CEP44: variants seen among roughly 807,000 people sequenced by gnomAD.
CEP44 encodes centrosomal protein of 44 kDa.
In CEP44, 45 loss-of-function variants were observed where a neutral mutation model predicts 46.7. The ratio of observed to expected loss-of-function variants is 0.96; its 90% CI spans 0.76 to 1.24. The LOEUF is 1.24. Among genes scored for constraint, CEP44 ranks in the 50% most tolerant of loss-of-function variants. The pLI is 0.00. For missense variants in CEP44, 475 were observed against 459.7 expected (o/e 1.03, Z -0.30); for synonymous variants, 142 against 146.0 (o/e 0.97, Z 0.20).
intron 4 of CEP44, among the ~76,000 whole-genome samples, chr4:174,302,586 T>C (rs1298602430): frequency 6.6e-6 from 1 of 152,096 alleles, no homozygotes; most frequent in Non-Finnish European, 1.5e-5. Context: ...ATTAAACTGA[T>C]ATATTCTTTG....
rs1163164926 is a variant in CEP44 at position 174,286,552 on chromosome 4, G to A, written c.-148+2609G>A. ...GTGTCCATGGACAGTTGTGGTAGAT[G>A]TTTTTATGTAAGTTATTGAGTTTCA... On this transcript the variant is annotated intron_variant, in intron 1 of 11. Transcript: ENST00000503780. This position sits in a 1 kb window ranked among gnomAD's most constrained non-coding sequence, Gnocchi z 5.2. Among the ~76,000 whole-genome samples, 1 of 152,172 alleles carries A rather than the reference G, an allele frequency of 6.6e-6. No homozygotes were observed.
Position 174,304,314 on chromosome 4 carries a change from T to TA in CEP44, c.453dup (p.Ser152IlefsTer8). On this transcript the variant is annotated frameshift_variant, in exon 6 of 12. Transcript: ENST00000503780. LOFTEE classifies it high-confidence loss of function. Reference sequence around the variant, plus strand: ...GAACCTCCTTTGGGCAATGAGAAAATATCTGCAGAGGCTGTTGGCGTTGAT... The same window carrying TA: ...GAACCTCCTTTGGGCAATGAGAAAATAATCTGCAGAGGCTGTTGGCGTTGAT... 6.2e-7 allele frequency: 1 copy of TA among 1,611,768 alleles called. No individual in the cohort carries two copies. Among genetic ancestry groups the TA allele is most frequent in the Non-Finnish European group, 8.5e-7 (1 of 1,179,414 alleles).
At chr4:174,323,381 C>T (rs147051556), downstream of CEP44, among the ~76,000 whole-genome samples, 4 of 152,054 alleles carry the variant, frequency 2.6e-5, no homozygotes, top group Non-Finnish European at 5.9e-5. Flanking sequence ...TTCAGTCATA[C>T]ATTCATATAG....
intron 6 of CEP44, 125 bp downstream of exon 6, chr4:174,304,494 T>G: frequency 1.5e-6 from 2 of 1,299,966 alleles, no homozygotes; most frequent in Non-Finnish European, 2.1e-6. Context: ...TCATTGATTT[T>G]TAACAGTGCA....
intron 9 of CEP44, among the ~76,000 whole-genome samples, chr4:174,313,520 C>T (rs541733324): frequency 3.0e-4 from 46 of 152,042 alleles, no homozygotes; most frequent in African/African-American, 7.2e-4. Flanking sequence ...ATCCCAGAGT[C>T]GTAGGAAGAT....
chr4:174,320,896 C>G (rs974784518), downstream of CEP44, among the ~76,000 whole-genome samples: 3 of 152,066 alleles, frequency 2.0e-5, no homozygotes, highest in Non-Finnish European at 2.9e-5. Flanking sequence ...GAGACTATTA[C>G]AGTAATCGAA....
chr4:174,284,892 G>GT (rs1165271183), intron 1 of CEP44, among the ~76,000 whole-genome samples: 1 of 152,182 alleles, frequency 6.6e-6, no homozygotes. Context: ...GCCATTGACT[G>GT]TTATTAGAGT....
At chr4:174,320,774 C>T (rs374142435), downstream of CEP44, among the ~76,000 whole-genome samples, 8 of 151,370 alleles carry the variant, frequency 5.3e-5, no homozygotes, top group South Asian at 8.4e-4. Flanking sequence ...TTTACTGAAC[C>T]ATTTAAGCAG....
Position 174,326,487 on chromosome 4 carries a change from C to T in CEP44, c.1087-4995C>T, listed in dbSNP as rs1423238815. On this transcript the variant is annotated intron_variant, in intron 8 of 8. Transcript: ENST00000426172. This position sits in a 1 kb window ranked among gnomAD's most constrained non-coding sequence, Gnocchi z 4.8. ...TGACTTCTACATATGTTATAAACTG[C>T]AAAACATTATCATTACTTTTGCTAT... is the stretch of plus-strand genomic sequence containing the variant. Among the ~76,000 whole-genome samples, 1 of 151,994 alleles carries T rather than the reference C, an allele frequency of 6.6e-6. No homozygotes were observed. The highest frequency in any genetic ancestry group is 1.5e-5 in the Non-Finnish European group (1 of 67,940).
chr4:174,289,798 A>G (rs1223034079), intron 1 of CEP44, among the ~76,000 whole-genome samples: 1 of 148,280 alleles, frequency 6.7e-6, no homozygotes, highest in Non-Finnish European at 1.5e-5. Context: ...TTCTTTTTCT[A>G]GTTCCTTGAG....
chr4:174,292,045 G>GC (rs763205535), intron 1 of CEP44, among the ~76,000 whole-genome samples: 3 of 151,904 alleles, frequency 2.0e-5, no homozygotes, highest in Non-Finnish European at 4.4e-5. Context: ...CCTGCCCTCA[G>GC]CCTCCTCAAG....
At position 174,297,213 on chromosome 4, in the gene CEP44, ATTC is replaced by A. The variant is rs1414754461; in HGVS notation, c.-147-750_-147-748del. On this transcript the variant is annotated intron_variant, in intron 1 of 11. Coordinates refer to ENST00000503780, the MANE Select transcript of CEP44 (RefSeq NM_001040157.3). This position sits in a 1 kb window ranked among gnomAD's most constrained non-coding sequence, Gnocchi z 4.3. ...AGCTTAATATTTTTTATATCCTTCT[ATTC>A]TTGTTTTAGGTTTTAATTTTTTTTT... Among the ~76,000 whole-genome samples the A allele has an allele frequency of 2.0e-5, 3 of 151,796 alleles. No homozygotes were observed. Among genetic ancestry groups the A allele is most frequent in the Non-Finnish European group, 4.4e-5 (3 of 67,938 alleles).
At position 174,317,357 on chromosome 4, in the gene CEP44, C is replaced by T. The variant is rs17358230; in HGVS notation, c.1147C>T (p.Leu383=). The change falls in exon 12 of 12, where the codon CTG becomes TTG. Residue 383 remains leucine (L), a synonymous_variant. Transcript: ENST00000503780. ...CAGGTTTGAAGAAACTGCAGAGTTA[C>T]TGAAATGTCCAAATCACTACTTGTA... The part of the protein sequence containing the change: ...KKMFEETAEL[L]KCPNHYL 46,023 of 1,409,768 alleles carry T rather than the reference C, an allele frequency of 0.033. 878 individuals are homozygous for T. The highest frequency in any genetic ancestry group is 0.043 in the South Asian group (2,389 of 55,018). The allele number at this position is 1,409,768 out of a possible 1,614,324, so 87.3% of individuals were successfully genotyped here. A position where few individuals can be genotyped will look rare whatever the true frequency, so the allele number is the denominator to read the frequency against.
intron 1 of CEP44, among the ~76,000 whole-genome samples, chr4:174,295,343 C>T (rs1218253697): frequency 6.6e-6 from 1 of 151,780 alleles, no homozygotes; most frequent in Non-Finnish European, 1.5e-5. Flanking sequence ...CCTCACATCC[C>T]AGACGGGGCG....
downstream of CEP44, among the ~76,000 whole-genome samples, chr4:174,322,174 G>A (rs2126690639): frequency 6.6e-6 from 1 of 152,218 alleles, no homozygotes; most frequent in South Asian, 2.1e-4. Flanking sequence ...GTAGAAAAAT[G>A]TTTAAAGTTT....
At chr4:174,321,620 G>A (rs560671355), downstream of CEP44, among the ~76,000 whole-genome samples, 3 of 152,066 alleles carry the variant, frequency 2.0e-5, no homozygotes, top group East Asian at 5.8e-4. Flanking sequence ...AGTACAACAG[G>A]CAATATTCTG....
intron 6 of CEP44, among the ~76,000 whole-genome samples, chr4:174,305,315 G>A (rs903225752): frequency 4.6e-5 from 7 of 152,046 alleles, no homozygotes; most frequent in Non-Finnish European, 8.8e-5. Flanking sequence ...TTAGCTAGGC[G>A]TGGTAGCTGG....
chr4:174,325,525 T>G lies in CEP44; in HGVS notation c.1087-5957T>G, dbSNP rs974296189. Among the ~76,000 whole-genome samples the G allele has an allele frequency of 1.3e-5, 2 of 151,914 alleles. No individual in the cohort carries two copies. The highest frequency in any genetic ancestry group is 1.3e-4 in the Admixed American group (2 of 15,212). ...TTTAAATTAGCCAAGCATAGTGGTATGCACCTGTAGTCCTAGCTACTCGAG... is the reference window on the plus strand; with the variant it reads ...TTTAAATTAGCCAAGCATAGTGGTAGGCACCTGTAGTCCTAGCTACTCGAG... On this transcript the variant is annotated intron_variant, in intron 8 of 8. Coordinates refer to the CEP44 transcript ENST00000426172. The surrounding 1 kb of genome is among the most constrained non-coding windows in gnomAD (Gnocchi z 4.4).
chr4:174,313,002 T>A (rs990340596), intron 9 of CEP44, among the ~76,000 whole-genome samples: 22 of 152,048 alleles, frequency 1.4e-4, no homozygotes, highest in Non-Finnish European at 2.9e-4. Flanking sequence ...TGTTGGATAA[T>A]TTTGGAGAGG....
Sources: allele counts gnomAD v4.1 joint callset (sites outside exome capture counted in the v4.1 genomes callset), GRCh38; gene constraint gnomAD v4.1.1; non-coding constraint Gnocchi (gnomAD v3.1); transcripts MANE v1.5; gene names NCBI Gene and HGNC (gene_info 2026-07-23, HGNC 2026-07-21).